Variants in SLC20A2 observed in about 807,000 individuals in gnomAD.
SLC20A2 encodes the protein solute carrier family 20 member 2.
Under a neutral mutation model 61.0 loss-of-function variants are expected in SLC20A2, and 30 were observed. That is an observed-to-expected ratio of 0.49 (90% CI 0.37 to 0.67). SLC20A2 has a LOEUF of 0.67. Among genes scored for constraint, SLC20A2 ranks in the 30% least tolerant of loss-of-function variants. SLC20A2 has a pLI of 0.00. For synonymous variants in SLC20A2, 351 were observed against 353.3 expected, an observed-to-expected ratio of 0.99 and a Z score of 0.07; for missense variants, 626 against 866.4, an observed-to-expected ratio of 0.72 and a Z score of 3.48.
chr8:42,509,316 C>A lies in SLC20A2; in HGVS notation c.-265+32505G>T, dbSNP rs564091685. Among the ~76,000 whole-genome samples, 105 of 152,286 alleles carry A rather than the reference C, an allele frequency of 6.9e-4. 1 individual carries two copies. The highest frequency in any genetic ancestry group is 2.3e-3 in the African/African-American group (95 of 41,570). ...GAGATCTAGAGCACAAGGTCAGACA[C>A]GTTCCATGCACCCCAACATCAGCCT... On this transcript the variant is annotated intron_variant, in intron 1 of 10. Coordinates refer to the SLC20A2 transcript ENST00000342228.
chr8:42,540,063 G>A (rs1193425232), intron 1 of SLC20A2, among the ~76,000 whole-genome samples: 2 of 152,110 alleles, frequency 1.3e-5, no homozygotes, highest in South Asian at 2.1e-4. Flanking sequence ...AGGCCGAGGC[G>A]GGCGGAACAC....
At chr8:42,485,479 T>G (rs1348735090) in intron 1 of SLC20A2, among the ~76,000 whole-genome samples, 1 of 150,806 alleles carries the variant, frequency 6.6e-6, no homozygotes, top group Non-Finnish European at 1.5e-5. Context: ...TCATCTCTAC[T>G]AAAAATACAA....
At chr8:42,493,426 T>G (rs879469262) in intron 1 of SLC20A2, among the ~76,000 whole-genome samples, 2 of 152,192 alleles carry the variant, frequency 1.3e-5, no homozygotes, top group Non-Finnish European at 2.9e-5. Flanking sequence ...GATTCATTCT[T>G]TCCATCATCC....
intron 10 of SLC20A2, 150 bp downstream of exon 10, chr8:42,428,608 A>T: frequency 3.3e-6 from 2 of 597,576 alleles, no homozygotes; most frequent in East Asian, 3.2e-5. Flanking sequence ...GAACAGATGG[A>T]GGAATACAAG....
intron 4 of SLC20A2, 76 bp from the exon 5 acceptor site, chr8:42,460,068 C>G: frequency 2.5e-6 from 2 of 808,316 alleles, no homozygotes; most frequent in Non-Finnish European, 4.2e-6. Flanking sequence ...CAAAATGATA[C>G]AAAATACTGT....
intron 3 of SLC20A2, among the ~76,000 whole-genome samples, chr8:42,464,287 T>C (rs993962592): frequency 5.4e-5 from 8 of 148,468 alleles, no homozygotes; most frequent in Admixed American, 3.4e-4. Context: ...TTCTTTCTTT[T>C]TTTTTTTTTT....
chr8:42,511,334 A>G (rs915933389), intron 1 of SLC20A2, among the ~76,000 whole-genome samples: 1 of 152,230 alleles, frequency 6.6e-6, no homozygotes, highest in African/African-American at 2.4e-5. Context: ...TAAACTAAGA[A>G]GTGGTCACTT....
chr8:42,511,055 C>T (rs1292612947), intron 1 of SLC20A2, among the ~76,000 whole-genome samples: 1 of 152,096 alleles, frequency 6.6e-6, no homozygotes, highest in Non-Finnish European at 1.5e-5. Context: ...AGACAGGGAA[C>T]TTGCAGGGTA....
At chr8:42,428,034 T>G (rs1803545911) in intron 10 of SLC20A2, among the ~76,000 whole-genome samples, 1 of 152,204 alleles carries the variant, frequency 6.6e-6, no homozygotes, top group African/African-American at 2.4e-5. Context: ...CTGCAGATAC[T>G]GGGCAGAGTT....
chr8:42,466,726 C>T (rs961131044), intron 2 of SLC20A2, among the ~76,000 whole-genome samples: 11 of 152,152 alleles, frequency 7.2e-5, no homozygotes, highest in African/African-American at 2.4e-4. Flanking sequence ...TGGAGTACAG[C>T]TGCAAAATCA....
chr8:42,432,273 TAAATG>T (rs977327377), intron 8 of SLC20A2, among the ~76,000 whole-genome samples: 1 of 152,264 alleles, frequency 6.6e-6, no homozygotes, highest in Middle Eastern at 3.4e-3. Flanking sequence ...ATTCAAAACT[TAAATG>T]AAGGAAGCCA....
At chr8:42,482,522 G>A (rs1220285560) in intron 1 of SLC20A2, among the ~76,000 whole-genome samples, 2 of 152,152 alleles carry the variant, frequency 1.3e-5, no homozygotes, top group South Asian at 2.1e-4. Flanking sequence ...GTCAAGGTGG[G>A]CGGATCACTT....
chr8:42,448,385 G>C (rs898274912), intron 5 of SLC20A2, among the ~76,000 whole-genome samples: 5 of 152,188 alleles, frequency 3.3e-5, no homozygotes, highest in African/African-American at 1.2e-4. Flanking sequence ...TTCATGCTGA[G>C]CAGGGCCCGA....
At chr8:42,480,338 A>T (rs539124841) in intron 1 of SLC20A2, 12 of 152,332 alleles carry the variant, frequency 7.9e-5, no homozygotes, top group African/African-American at 2.6e-4. Flanking sequence ...TACAATGTGC[A>T]ATGACCACTT....
rs34337764 is a variant in SLC20A2, at chr8:42,508,352, TTTTG to T, written c.-265+33465_-265+33468del. Among the ~76,000 whole-genome samples, 45 of 151,994 alleles carry T rather than the reference TTTTG, an allele frequency of 3.0e-4. 1 individual carries two copies. Among genetic ancestry groups the T allele is most frequent in the East Asian group, 9.7e-4 (5 of 5,162 alleles). On this transcript the variant is annotated intron_variant, in intron 1 of 10. Transcript: ENST00000342228. ...GGATCTTGGAGGGAGTGGTATTTGT[TTTTG>T]TTTGTTTGTTTGTTTTGAGACGGAG...
At chr8:42,434,984 A>G (rs1804143822) in intron 8 of SLC20A2, among the ~76,000 whole-genome samples, 1 of 152,040 alleles carries the variant, frequency 6.6e-6, no homozygotes, top group Admixed American at 6.6e-5. Context: ...TTCCACGGAT[A>G]TGTTTTTCTC....
rs562397867 is a variant in SLC20A2, at chr8:42,446,957, CTATT to C, written c.614-2199_614-2196del. Among the ~76,000 whole-genome samples, 35 of 152,258 alleles carry C rather than the reference CTATT, an allele frequency of 2.3e-4. No homozygotes were observed. The East Asian group carries it at 5.8e-3, about 25-fold the overall frequency. ...AAAAAATTTAATTCAAAGGGGTTAACTATTTAACACTTTGCTCTTAAATAAATTT... is the reference window on the plus strand; with the variant it reads ...AAAAAATTTAATTCAAAGGGGTTAACTAACACTTTGCTCTTAAATAAATTT... On this transcript the variant is annotated intron_variant, in intron 5 of 10. Coordinates refer to ENST00000520262, the MANE Select transcript of SLC20A2 (RefSeq NM_001257180.2).
At position 42,472,654 on chromosome 8, in the gene SLC20A2, C is replaced by T; in HGVS notation, c.-264G>A. 2.4e-6 allele frequency: 1 copy of T among 413,872 alleles called. No homozygotes were observed. The highest frequency in any genetic ancestry group is 4.4e-6 in the Non-Finnish European group (1 of 228,268). The allele number at this position is 413,872 out of a possible 1,614,324, so 25.6% of individuals were successfully genotyped here. ...ATCTGGGAAAGCTGTGATGTCTCCT[C>T]CTGTAGCAGAAAGGAAACAAAAGAA... On this transcript the variant is annotated splice_region_variant and 5_prime_UTR_variant, in exon 2 of 11. Coordinates refer to ENST00000520262, the MANE Select transcript of SLC20A2 (RefSeq NM_001257180.2). The surrounding 1 kb of genome is among the most constrained non-coding windows in gnomAD (Gnocchi z 4.1).
chr8:42,492,209 A>AGCTG (rs1455750128), intron 1 of SLC20A2, among the ~76,000 whole-genome samples: 1 of 152,170 alleles, frequency 6.6e-6, no homozygotes, highest in Non-Finnish European at 1.5e-5. Context: ...ACAAAAAATT[A>AGCTG]GCTGGGTGTG....
Sources: allele counts gnomAD v4.1 joint callset (sites outside exome capture counted in the v4.1 genomes callset), GRCh38; gene constraint gnomAD v4.1.1; non-coding constraint Gnocchi (gnomAD v3.1); transcripts MANE v1.5; gene names NCBI Gene and HGNC (gene_info 2026-07-23, HGNC 2026-07-21).